Variants in TRAK2 observed in about 807,000 individuals in gnomAD.
The protein encoded by TRAK2 is trafficking kinesin-binding protein 2.
A neutral mutation model predicts 104.6 loss-of-function variants in TRAK2; 81 were observed. The observed-to-expected ratio is 0.77, with a 90% CI of 0.65 to 0.93. The LOEUF (loss-of-function observed/expected upper bound fraction) is 0.93. Ranked by LOEUF, TRAK2 falls within the 40% of genes least tolerant of loss-of-function variation. The pLI is 0.00. For synonymous variants in TRAK2, 406 were observed against 394.4 expected (o/e 1.03, Z -0.35); for missense variants, 1,002 against 1,089.0 (o/e 0.92, Z 1.12).
At chr2:201,406,735 T>C (rs1240954144) in intron 3 of TRAK2, among the ~76,000 whole-genome samples, 1 of 152,228 alleles carries the variant, frequency 6.6e-6, no homozygotes, top group Admixed American at 6.5e-5. Flanking sequence ...AATGAATTTT[T>C]AGAAAAGTAA....
At chr2:201,407,347 G>C in intron 3 of TRAK2, 56 bp downstream of exon 3, 1 of 1,458,358 alleles carries the variant, frequency 6.9e-7, no homozygotes, top group Non-Finnish European at 9.4e-7. Context: ...TCAATACCAA[G>C]ATACCCATGA....
intron 2 of TRAK2, among the ~76,000 whole-genome samples, chr2:201,417,241 C>CA (rs61702415): frequency 0.26 from 22,844 of 88,276 alleles, 2,016 homozygotes; most frequent in Admixed American, 0.33. Context: ...GAAGACATTG[C>CA]AAAAAAAAAA....
intron 1 of TRAK2, among the ~76,000 whole-genome samples, chr2:201,439,149 G>A (rs1180589167): frequency 6.6e-6 from 1 of 152,180 alleles, no homozygotes; most frequent in Non-Finnish European, 1.5e-5. Flanking sequence ...CATCCTTGTA[G>A]TCTATAGTAG....
chr2:201,421,724 G>A (rs1175317513), intron 1 of TRAK2, among the ~76,000 whole-genome samples: 1 of 152,152 alleles, frequency 6.6e-6, no homozygotes, highest in African/African-American at 2.4e-5. Flanking sequence ...ATGGTGTGGA[G>A]AAAGAAGCAC....
chr2:201,420,497 G>T lies in TRAK2; in HGVS notation c.11C>A (p.Ser4Tyr). ...TGGTGATGTAAAAATTGCATTCTGG[G>T]ATTGACTCATGCAGGATCCTTTCTT... MSQ[S>Y]QNAIFTSPTG... is the part of the protein sequence containing the mutation. The change falls in exon 2 of 16, where the codon TCC becomes TAC. Residue 4 changes from serine (S) to tyrosine (Y), a missense_variant. Ser to Tyr is a moderately radical substitution (Grantham distance 144, BLOSUM62 -2). Coordinates refer to ENST00000332624, the MANE Select transcript of TRAK2 (RefSeq NM_015049.3). 1.9e-6 allele frequency: 3 copies of T among 1,613,900 alleles called. No individual in the cohort carries two copies. Among genetic ancestry groups the T allele is most frequent in the Non-Finnish European group, 2.5e-6 (3 of 1,179,840 alleles).
chr2:201,443,814 C>A (rs1951944093), intron 1 of TRAK2, among the ~76,000 whole-genome samples: 1 of 152,194 alleles, frequency 6.6e-6, no homozygotes, highest in Non-Finnish European at 1.5e-5. Flanking sequence ...AACCTCCTAA[C>A]AAGGCTCCAT....
Position 201,401,111 on chromosome 2 carries a change from C to A in TRAK2, c.287-17G>T. On this transcript the variant is annotated splice_polypyrimidine_tract_variant and intron_variant, in intron 3 of 15. Transcript: ENST00000332624. ...TGCCTAGAACTAATATAGTTAAAAA[C>A]AACTATTTATAGGCTTTAGCAATAA... 1 of 1,559,156 alleles carries A rather than the reference C, an allele frequency of 6.4e-7. No individual in the cohort carries two copies. The highest frequency in any genetic ancestry group is 1.4e-5 in the African/African-American group (1 of 73,642).
At chr2:201,388,153 C>A in intron 12 of TRAK2, 152 bp from the exon 13 acceptor site, 1 of 755,056 alleles carries the variant, frequency 1.3e-6, no homozygotes, top group Non-Finnish European at 2.3e-6. Flanking sequence ...AACAACAAAC[C>A]AAAATCACCA....
intron 2 of TRAK2, chr2:201,411,966 C>G: frequency 1.0e-6 from 1 of 952,564 alleles, no homozygotes; most frequent in Non-Finnish European, 1.7e-6. Flanking sequence ...GCTCTGTAAA[C>G]CATGGGTAGA....
At position 201,450,688 on chromosome 2, in the gene TRAK2, CTTT is replaced by C. The variant is rs369626279; in HGVS notation, c.-200+659_-200+661del. On this transcript the variant is annotated intron_variant, in intron 1 of 15. Transcript: ENST00000332624. ...CTTGATGAATATCCTGTGAAGTTAC[CTTT>C]TTTTTTTTTTTTTCTGACGTAGAAA... 7.3e-5 allele frequency among the ~76,000 whole-genome samples: 10 copies of C among 137,378 alleles called. No homozygotes were observed. The South Asian group carries it at 1.9e-3, about 26-fold the overall frequency. 90.1% of individuals were successfully genotyped at this position (137,378 alleles called of 152,430 possible).
chr2:201,432,122 G>A (rs965374412), intron 1 of TRAK2, among the ~76,000 whole-genome samples: 5 of 152,028 alleles, frequency 3.3e-5, no homozygotes, highest in South Asian at 2.1e-4. Flanking sequence ...CACAATCTAC[G>A]GCCTACTCTC....
At chr2:201,403,534 C>T (rs1951567004) in intron 3 of TRAK2, among the ~76,000 whole-genome samples, 1 of 152,068 alleles carries the variant, frequency 6.6e-6, no homozygotes, top group Non-Finnish European at 1.5e-5. Context: ...GCATATACAC[C>T]TGTGAATGCA....
intron 1 of TRAK2, among the ~76,000 whole-genome samples, chr2:201,427,170 T>A (rs1257377657): frequency 6.6e-6 from 1 of 152,112 alleles, no homozygotes; most frequent in Non-Finnish European, 1.5e-5. Context: ...AAAGATGATG[T>A]CTTCTGTCTA....
chr2:201,412,578 T>C (rs1443166089), intron 2 of TRAK2: 5 of 1,386,386 alleles, frequency 3.6e-6, no homozygotes, highest in Non-Finnish European at 5.1e-6. Flanking sequence ...TATCACTGAC[T>C]GTTTCACAGC....
At chr2:201,394,555 G>A (rs1225792299) in intron 9 of TRAK2, among the ~76,000 whole-genome samples, 3 of 152,020 alleles carry the variant, frequency 2.0e-5, no homozygotes, top group Admixed American at 6.5e-5. Flanking sequence ...TGGCCAGGCT[G>A]GTCTTGAACT....
chr2:201,413,346 C>G, intron 2 of TRAK2: 1 of 956,602 alleles, frequency 1.0e-6, no homozygotes, highest in South Asian at 1.7e-5. Context: ...CCTTTTCCCT[C>G]TCCTTCCAGG....
chr2:201,443,280 A>G (rs1392115719), intron 1 of TRAK2, among the ~76,000 whole-genome samples: 2 of 152,066 alleles, frequency 1.3e-5, no homozygotes, highest in Non-Finnish European at 2.9e-5. Context: ...AATCAATCCA[A>G]TCATGACTTC....
Position 201,433,982 on chromosome 2 carries a change from G to C in TRAK2, c.-199-13276C>G, listed in dbSNP as rs1414787048. On this transcript the variant is annotated intron_variant, in intron 1 of 15. Coordinates refer to ENST00000332624, the MANE Select transcript of TRAK2 (RefSeq NM_015049.3). ...ATCATTCTTTTTTTTTTTTGAGACC[G>C]AGTCTCGCTCTTTTGCCCAGGCCGG... Among the ~76,000 whole-genome samples the C allele has an allele frequency of 3.3e-5, 5 of 150,730 alleles. No homozygotes were observed. In the East Asian group the frequency reaches 7.8e-4, roughly 24 times the overall value.
chr2:201,441,752 C>T (rs924447033), intron 1 of TRAK2, among the ~76,000 whole-genome samples: 2 of 150,164 alleles, frequency 1.3e-5, no homozygotes, highest in Admixed American at 6.7e-5. Flanking sequence ...AGTGCAGAGG[C>T]GCGATCTCAG....
Sources: allele counts gnomAD v4.1 joint callset (sites outside exome capture counted in the v4.1 genomes callset), GRCh38; gene constraint gnomAD v4.1.1; transcripts MANE v1.5; gene names NCBI Gene and HGNC (gene_info 2026-07-23, HGNC 2026-07-21).